The following CSMD1 variants were observed in gnomAD, a reference collection of about 807,000 sequenced individuals.
The protein encoded by CSMD1 is CUB and Sushi multiple domains 1, also known as CUB and sushi domain-containing protein 1.
A neutral mutation model predicts 417.5 loss-of-function variants in CSMD1; 213 were observed. The ratio of observed to expected loss-of-function variants is 0.51; its 90% CI spans 0.46 to 0.57. The LOEUF (loss-of-function observed/expected upper bound fraction) is 0.57. Ranked by LOEUF, CSMD1 falls within the 20% of genes least tolerant of loss-of-function variation. The pLI, the probability that CSMD1 is intolerant of heterozygous loss-of-function variation, is 0.00. For synonymous variants in CSMD1, 2,862 were observed against 1,736.8 expected (o/e 1.65, Z -16.11); for missense variants, 6,923 against 4,529.7 (o/e 1.53, Z -15.17).
intron 5 of CSMD1, among the ~76,000 whole-genome samples, chr8:3,943,402 T>C (rs1057127456): frequency 7.4e-6 from 1 of 135,808 alleles, no homozygotes; most frequent in Non-Finnish European, 1.5e-5. Context: ...TAGAATGTCT[T>C]ATAAGTTGTT....
At chr8:3,781,697 G>A (rs376140294) in intron 5 of CSMD1, among the ~76,000 whole-genome samples, 8 of 152,320 alleles carry the variant, frequency 5.3e-5, no homozygotes, top group African/African-American at 1.2e-4. Flanking sequence ...TCCAGCCTAC[G>A]GAGGTTCTAG....
chr8:4,315,715 T>C (rs35624824), intron 3 of CSMD1, among the ~76,000 whole-genome samples: 6,400 of 152,250 alleles, frequency 0.042, 145 homozygotes, highest in Middle Eastern at 0.075. Flanking sequence ...TTTGTAGGTA[T>C]AGATTGAGCT....
intron 2 of CSMD1, among the ~76,000 whole-genome samples, chr8:4,606,862 A>C (rs1238966215): frequency 6.6e-6 from 1 of 152,224 alleles, no homozygotes; most frequent in African/African-American, 2.4e-5. Context: ...TTAAAGTGAA[A>C]TCACAAAAAT....
rs1472493309 is a variant in CSMD1 at position 4,122,510 on chromosome 8, C to A, written c.416-90411G>T. On this transcript the variant is annotated intron_variant, in intron 3 of 69. Coordinates refer to ENST00000635120, the MANE Select transcript of CSMD1 (RefSeq NM_033225.6). ...TTAAGTAAACTGTCTAAAAGAGAACCAGAAAGTACCAGCCGCATTTTAAAT... is the reference window on the plus strand; with the variant it reads ...TTAAGTAAACTGTCTAAAAGAGAACAAGAAAGTACCAGCCGCATTTTAAAT... 6.6e-5 allele frequency among the ~76,000 whole-genome samples: 10 copies of A among 152,094 alleles called. 1 individual carries two copies. The highest frequency in any genetic ancestry group is 1.5e-4 in the Non-Finnish European group (10 of 68,024).
At chr8:3,664,087 T>A (rs952953067) in intron 7 of CSMD1, among the ~76,000 whole-genome samples, 2 of 152,172 alleles carry the variant, frequency 1.3e-5, no homozygotes, top group African/African-American at 4.8e-5. Context: ...AATGTGCACG[T>A]TTGTTACATA....
intron 5 of CSMD1, among the ~76,000 whole-genome samples, chr8:3,993,185 T>G (rs1223969848): frequency 6.6e-6 from 1 of 152,206 alleles, no homozygotes; most frequent in Non-Finnish European, 1.5e-5. Flanking sequence ...AAGCTAGGTT[T>G]AGGATATACA....
At chr8:4,558,075 A>G (rs1026947305) in intron 2 of CSMD1, among the ~76,000 whole-genome samples, 1 of 152,230 alleles carries the variant, frequency 6.6e-6, no homozygotes, top group African/African-American at 2.4e-5. Flanking sequence ...CGATGAATCA[A>G]TCAATTCCAC....
rs1554479722 is a variant in CSMD1 at position 3,589,379 on chromosome 8, G to GCTGT, written c.1098-3120_1098-3119insACAG. On this transcript the variant is annotated intron_variant, in intron 8 of 69. Transcript: ENST00000635120. Reference sequence around the variant, plus strand: ...ACTGAGAAATGGATAAAGAAAATGTGGTGTGTGTGTGTGTGTGTGTGTGTG... The same window carrying GCTGT: ...ACTGAGAAATGGATAAAGAAAATGTGCTGTGTGTGTGTGTGTGTGTGTGTGTGTG... Among the ~76,000 whole-genome samples, 1,463 of 150,046 alleles carry GCTGT rather than the reference G, an allele frequency of 9.8e-3. 34 individuals carry two copies. The highest frequency in any genetic ancestry group is 0.034 in the African/African-American group (1,411 of 40,976).
intron 26 of CSMD1, among the ~76,000 whole-genome samples, chr8:3,255,874 C>T (rs942070989): frequency 6.6e-6 from 1 of 152,150 alleles, no homozygotes; most frequent in African/African-American, 2.4e-5. Context: ...ACCCACTGTC[C>T]TGCACCCACT....
chr8:4,238,816 C>G (rs555184117), intron 3 of CSMD1, among the ~76,000 whole-genome samples: 3 of 152,140 alleles, frequency 2.0e-5, no homozygotes, highest in Admixed American at 6.6e-5. Flanking sequence ...AATGCTTTGG[C>G]CCACACTCAA....
chr8:4,831,137 G>A (rs537053632), intron 1 of CSMD1, among the ~76,000 whole-genome samples: 18 of 152,236 alleles, frequency 1.2e-4, no homozygotes, highest in African/African-American at 3.1e-4. Context: ...GTAAAACTTC[G>A]TTAAATCATC....
chr8:4,988,574 T>C (rs984574870), intron 1 of CSMD1, among the ~76,000 whole-genome samples: 5 of 152,232 alleles, frequency 3.3e-5, no homozygotes, highest in Admixed American at 6.5e-5. Flanking sequence ...ATGTTATTCC[T>C]TGGTGGAATG....
At chr8:3,415,313 A>G (rs1326186473) in intron 12 of CSMD1, among the ~76,000 whole-genome samples, 1 of 152,202 alleles carries the variant, frequency 6.6e-6, no homozygotes, top group Non-Finnish European at 1.5e-5. Context: ...ATTATTATTA[A>G]CCATAGTACC....
chr8:3,922,575 G>A (rs1413753050), intron 5 of CSMD1, among the ~76,000 whole-genome samples: 5 of 152,102 alleles, frequency 3.3e-5, no homozygotes, highest in African/African-American at 1.2e-4. Flanking sequence ...ATGGTTACAA[G>A]TAGGATTAAA....
chr8:3,181,920 T>A (rs1821357801), intron 36 of CSMD1, among the ~76,000 whole-genome samples: 1 of 152,202 alleles, frequency 6.6e-6, no homozygotes, highest in African/African-American at 2.4e-5. Flanking sequence ...CTCAGAAGTT[T>A]GAGACATTTT....
chr8:3,302,140 T>A (rs1218810302), intron 25 of CSMD1, among the ~76,000 whole-genome samples: 1 of 152,068 alleles, frequency 6.6e-6, no homozygotes, highest in Non-Finnish European at 1.5e-5. Flanking sequence ...TAGGGAATGA[T>A]GACAATAATG....
chr8:3,004,476 A>G (rs1376629933), intron 52 of CSMD1, among the ~76,000 whole-genome samples: 3 of 152,204 alleles, frequency 2.0e-5, no homozygotes, highest in South Asian at 4.1e-4. Context: ...TTATTAGTCT[A>G]CTAGTAATCT....
intron 1 of CSMD1, among the ~76,000 whole-genome samples, chr8:4,820,199 G>T (rs554185569): frequency 6.6e-6 from 1 of 152,194 alleles, no homozygotes; most frequent in Admixed American, 6.5e-5. Flanking sequence ...TCCTCTCTTG[G>T]CCTGGACAGA....
At position 4,533,487 on chromosome 8, in the gene CSMD1, G is replaced by A. The variant is rs565213206; in HGVS notation, c.302+103855C>T. On this transcript the variant is annotated intron_variant, in intron 2 of 69. Transcript: ENST00000635120. ...CCTAGATCCTCCTATTATGCTCTTG[G>A]AGTTTATCAACCCACTCTTGAAGAA... 2.0e-5 allele frequency among the ~76,000 whole-genome samples: 3 copies of A among 152,122 alleles called. No individual in the cohort carries two copies. In the South Asian group the frequency reaches 6.2e-4, roughly 32 times the overall value.
Sources: allele counts gnomAD v4.1 joint callset (sites outside exome capture counted in the v4.1 genomes callset), GRCh38; gene constraint gnomAD v4.1.1; transcripts MANE v1.5; gene names NCBI Gene and HGNC (gene_info 2026-07-23, HGNC 2026-07-21).